The following KLC1 variants were observed in gnomAD, a reference collection of about 807,000 sequenced individuals.
The protein encoded by KLC1 is kinesin light chain 1.
Under a neutral mutation model 84.2 loss-of-function variants are expected in KLC1, and 30 were observed. That is an observed-to-expected ratio of 0.36 (90% CI 0.27 to 0.48). KLC1 has a LOEUF of 0.48. Among genes scored for constraint, KLC1 ranks in the 20% least tolerant of loss-of-function variants. The pLI is 0.99. For synonymous variants in KLC1, 289 were observed against 293.3 expected, an observed-to-expected ratio of 0.99 and a Z score of 0.15; for missense variants, 499 against 805.4, an observed-to-expected ratio of 0.62 and a Z score of 4.60.
At chr14:103,681,961 C>T (rs1381389264) in intron 13 of KLC1, among the ~76,000 whole-genome samples, 2 of 152,126 alleles carry the variant, frequency 1.3e-5, no homozygotes, top group Non-Finnish European at 2.9e-5. Flanking sequence ...TGAAAATTTC[C>T]CTGAGATTGC....
At chr14:103,689,173 G>A (rs909477033) in intron 14 of KLC1, among the ~76,000 whole-genome samples, 1 of 152,156 alleles carries the variant, frequency 6.6e-6, no homozygotes, top group Non-Finnish European at 1.5e-5. Context: ...TTAATTCCTG[G>A]AGGGGATCAC....
rs1389091237 is a variant in KLC1 at position 103,693,243 on chromosome 14, C to T, written c.1848+818C>T. On this transcript the variant is annotated intron_variant, in intron 15 of 16. Transcript: ENST00000334553. The surrounding 1 kb of genome is among the most constrained non-coding windows in gnomAD (Gnocchi z 5.1). ...CAACACTCTTGGGAGGCAGCCATCT[C>T]GGGAAAGCTTTTCCCCAGCCCCCTT... Among the ~76,000 whole-genome samples, 1 of 151,408 alleles carries T rather than the reference C, an allele frequency of 6.6e-6. No individual in the cohort carries two copies. Among genetic ancestry groups the T allele is most frequent in the African/African-American group, 2.4e-5 (1 of 41,212 alleles).
intron 15 of KLC1, chr14:103,696,735 T>C: frequency 1.0e-6 from 1 of 985,488 alleles, no homozygotes; most frequent in Non-Finnish European, 1.2e-6. Flanking sequence ...GGGAAGAACT[T>C]AAGCGGTTTT....
At chr14:103,630,886 T>C (rs2076620728) in intron 1 of KLC1, among the ~76,000 whole-genome samples, 1 of 152,168 alleles carries the variant, frequency 6.6e-6, no homozygotes, top group Non-Finnish European at 1.5e-5. Context: ...TGTCTGGCAC[T>C]GAGTGCTGTG....
intron 1 of KLC1, among the ~76,000 whole-genome samples, chr14:103,651,877 G>C (rs1469150899): frequency 6.6e-6 from 1 of 152,144 alleles, no homozygotes; most frequent in African/African-American, 2.4e-5. Flanking sequence ...TCTGGCCTTC[G>C]TCTCTCAGTT....
chr14:103,667,100 T>G (rs2079926178), intron 5 of KLC1, among the ~76,000 whole-genome samples: 1 of 150,058 alleles, frequency 6.7e-6, no homozygotes. Context: ...TCATAACACT[T>G]TAGGTAGCTT....
At position 103,654,781 on chromosome 14, in the gene KLC1, C is replaced by T. The variant is rs756904720; in HGVS notation, c.217C>T (p.Arg73Trp). Residue 73 changes from arginine to tryptophan, a missense_variant, in exon 2 of 17, where the codon CGG becomes TGG. By Grantham distance (101) the Arg-to-Trp change is moderately radical. Transcript: ENST00000334553. ...GGTGGAGGAGAAATCAAACATGATC[C>T]GGAAGTCACTGGAGATGTTGGAGCT... Reference protein sequence around the residue: ...NLVEEKSNMIRKSLEMLELGL... With the variant: ...NLVEEKSNMIWKSLEMLELGL... 8 of 1,614,000 alleles carry T rather than the reference C, an allele frequency of 5.0e-6. No homozygotes were observed. In the Admixed American group the frequency reaches 6.7e-5, roughly 13 times the overall value.
intron 1 of KLC1, among the ~76,000 whole-genome samples, chr14:103,648,011 C>T (rs753827389): frequency 1.2e-3 from 181 of 151,386 alleles, no homozygotes; most frequent in Non-Finnish European, 2.1e-3. Flanking sequence ...AGTGCAGTGG[C>T]GCGATCTCGG....
rs530082697 is a variant in KLC1 at position 103,690,509 on chromosome 14, G to A, written c.1782-1850G>A. The stretch of plus-strand genomic sequence containing the variant: ...CAGCACTGCTGACACACGGGTGGGT[G>A]CCCTGGGCTTTCAGCCTCATCCCAG... On this transcript the variant is annotated intron_variant, in intron 14 of 16. Coordinates refer to ENST00000334553, the MANE Select transcript of KLC1 (RefSeq NM_001394837.1). Among the ~76,000 whole-genome samples the A allele has an allele frequency of 5.3e-5, 8 of 152,338 alleles. No individual in the cohort carries two copies. The South Asian group carries it at 1.7e-3, about 32-fold the overall frequency.
rs554712025 is a variant in KLC1, at chr14:103,698,484, G to A, written c.1849-2171G>A. Reference sequence around the variant, plus strand: ...AGAGAAGAAGCAGGCGGCTCCCAGGGAGTCACTGTAGGACACCCCAGGCTC... The same window carrying A: ...AGAGAAGAAGCAGGCGGCTCCCAGGAAGTCACTGTAGGACACCCCAGGCTC... On this transcript the variant is annotated intron_variant, in intron 15 of 16. Transcript: ENST00000334553. 1.5e-4 allele frequency: 62 copies of A among 421,252 alleles called. No homozygotes were observed. The East Asian group carries it at 2.9e-3, about 20-fold the overall frequency. The allele number at this position is 421,252 out of a possible 1,614,324, so 26.1% of individuals were successfully genotyped here. A position where few individuals can be genotyped will look rare whatever the true frequency, so the allele number is the denominator to read the frequency against.
intron 12 of KLC1, 102 bp downstream of exon 12, chr14:103,677,625 G>A (rs1227005287): frequency 1.2e-5 from 9 of 763,606 alleles, no homozygotes; most frequent in Non-Finnish European, 1.8e-5. Flanking sequence ...AATAGAAAAT[G>A]TTGATTATTT....
chr14:103,649,259 C>G (rs2078195807), intron 1 of KLC1, among the ~76,000 whole-genome samples: 1 of 149,700 alleles, frequency 6.7e-6, no homozygotes, highest in South Asian at 2.1e-4. Flanking sequence ...TAGCAAGACC[C>G]CATCTCTAAA....
intron 1 of KLC1, among the ~76,000 whole-genome samples, chr14:103,644,617 G>C (rs1302791076): frequency 3.9e-5 from 6 of 152,042 alleles, no homozygotes; most frequent in African/African-American, 1.4e-4. Flanking sequence ...TCTGGGACTG[G>C]GTGTGGTAGC....
At chr14:103,641,444 G>A (rs2077480528) in intron 1 of KLC1, among the ~76,000 whole-genome samples, 1 of 152,136 alleles carries the variant, frequency 6.6e-6, no homozygotes, top group African/African-American at 2.4e-5. Context: ...AACAACACAA[G>A]CCACAGTCCT....
chr14:103,683,850 A>G lies in KLC1; in HGVS notation c.1651-3231A>G, dbSNP rs927943308. 2.0e-5 allele frequency: 3 copies of G among 152,232 alleles called. 1 individual carries two copies. Among genetic ancestry groups the G allele is most frequent in the Admixed American group, 2.0e-4 (3 of 15,290 alleles). The allele number at this position is 152,232 out of a possible 1,614,324, so 9.4% of individuals were successfully genotyped here. On this transcript the variant is annotated intron_variant, in intron 13 of 16. Transcript: ENST00000334553. ...CTAGGATTATTGGGGAATGGAATAT[A>G]TGGTTAGAAATAGATGAATTTTTAT...
rs2076836239 is a variant in KLC1, at chr14:103,633,457, C to T, written c.-2+3963C>T. Among the ~76,000 whole-genome samples, 4 of 152,184 alleles carry T rather than the reference C, an allele frequency of 2.6e-5. No individual in the cohort carries two copies. The South Asian group carries it at 8.3e-4, about 32-fold the overall frequency. On this transcript the variant is annotated intron_variant, in intron 1 of 16. Coordinates refer to ENST00000334553, the MANE Select transcript of KLC1 (RefSeq NM_001394837.1). ...ACTGGGATGAGGTTAATTAGGAAGC[C>T]ATTAACCCCAACTCGGCAAGCCTCA... is the stretch of plus-strand genomic sequence containing the variant.
intron 1 of KLC1, among the ~76,000 whole-genome samples, chr14:103,642,913 C>T (rs1298595967): frequency 5.9e-5 from 9 of 151,704 alleles, no homozygotes; most frequent in African/African-American, 1.5e-4. Flanking sequence ...GGACAACAGG[C>T]GCACACCACC....
At chr14:103,698,402 G>C in intron 15 of KLC1, 1 of 294,854 alleles carries the variant, frequency 3.4e-6, no homozygotes, top group Non-Finnish European at 6.6e-6. Flanking sequence ...GAGGGGGTCT[G>C]AGGCCCCAGC....
intron 12 of KLC1, among the ~76,000 whole-genome samples, chr14:103,677,740 C>G (rs1176618538): frequency 6.6e-6 from 1 of 152,128 alleles, no homozygotes; most frequent in African/African-American, 2.4e-5. Flanking sequence ...GGGCAGATCA[C>G]CTGAGGTCAG....
Sources: allele counts gnomAD v4.1 joint callset (sites outside exome capture counted in the v4.1 genomes callset), GRCh38; gene constraint gnomAD v4.1.1; non-coding constraint Gnocchi (gnomAD v3.1); transcripts MANE v1.5; gene names NCBI Gene and HGNC (gene_info 2026-07-23, HGNC 2026-07-21).